The following XIRP2 variants were observed in gnomAD, a reference collection of about 807,000 sequenced individuals.
XIRP2 encodes the protein xin actin binding repeat containing 2.
In XIRP2, 236 loss-of-function variants were observed where a neutral mutation model predicts 277.0. The ratio of observed to expected loss-of-function variants is 0.85; its 90% CI spans 0.77 to 0.95. The LOEUF is 0.95. XIRP2 is among the 40% of genes least tolerant of loss of function. The pLI is 0.00. For synonymous variants in XIRP2, 1,490 were observed against 1,416.5 expected (o/e 1.05, Z -1.17); for missense variants, 4,640 against 4,157.5 (o/e 1.12, Z -3.19).
intron 2 of XIRP2, among the ~76,000 whole-genome samples, chr2:166,944,469 A>G (rs1558925639): frequency 6.6e-6 from 1 of 152,222 alleles, no homozygotes; most frequent in Non-Finnish European, 1.5e-5. Context: ...AATAGTTACT[A>G]TGTTACATTT....
chr2:167,093,039 G>A (rs2105277352), intron 2 of XIRP2, among the ~76,000 whole-genome samples: 1 of 152,158 alleles, frequency 6.6e-6, no homozygotes, highest in South Asian at 2.1e-4. Context: ...AGGTGTGAAA[G>A]CGAAATTAGT....
chr2:167,028,226 T>C (rs1688229254), intron 2 of XIRP2, among the ~76,000 whole-genome samples: 1 of 152,184 alleles, frequency 6.6e-6, no homozygotes, highest in East Asian at 1.9e-4. Flanking sequence ...CTTTTATTTC[T>C]CACAATAATC....
intron 2 of XIRP2, among the ~76,000 whole-genome samples, chr2:167,075,251 C>T (rs887253726): frequency 9.2e-5 from 14 of 151,818 alleles, no homozygotes; most frequent in African/African-American, 2.9e-4. Context: ...AAGCATGACA[C>T]GGAGAGATAG....
At chr2:167,240,777 T>G (rs370519776) in intron 7 of XIRP2, 41 bp downstream of exon 7, 468 of 1,557,280 alleles carry the variant, frequency 3.0e-4, no homozygotes, top group Non-Finnish European at 4.0e-4. Flanking sequence ...TCCTTTCTCC[T>G]ATTGATGTGT....
At position 167,054,339 on chromosome 2, in the gene XIRP2, A is replaced by G. The variant is rs1688991391; in HGVS notation, c.409-81570A>G. Among the ~76,000 whole-genome samples the G allele has an allele frequency of 2.6e-5, 4 of 152,214 alleles. No homozygotes were observed. In the South Asian group the frequency reaches 8.3e-4, roughly 31 times the overall value. ...CTTTGCTGAACACTTTATCAAAACA[A>G]CTATTAGATAATGAAACTGACCCAC... is the stretch of plus-strand genomic sequence containing the variant. On this transcript the variant is annotated intron_variant, in intron 2 of 10. Coordinates refer to ENST00000409195, the MANE Select transcript of XIRP2 (RefSeq NM_152381.6).
rs373955619 is a variant in XIRP2 at position 166,943,578 on chromosome 2, G to A, written c.408+39688G>A. ...ACTTCAATTCATGTTAGTGTACATGGAATTCCACTCCACCTCTGCAGAGGG... is the reference window on the plus strand; with the variant it reads ...ACTTCAATTCATGTTAGTGTACATGAAATTCCACTCCACCTCTGCAGAGGG... On this transcript the variant is annotated intron_variant, in intron 2 of 10. Coordinates refer to ENST00000409195, the MANE Select transcript of XIRP2 (RefSeq NM_152381.6). 3.9e-4 allele frequency among the ~76,000 whole-genome samples: 60 copies of A among 152,286 alleles called. No homozygotes were observed. In the East Asian group the frequency reaches 5.0e-3, roughly 13 times the overall value.
rs547630388 is a variant in XIRP2, at chr2:167,229,199, T to A, written c.859-10656T>A. 5.9e-5 allele frequency among the ~76,000 whole-genome samples: 9 copies of A among 152,252 alleles called. No individual in the cohort carries two copies. The East Asian group carries it at 1.5e-3, about 26-fold the overall frequency. ...TTTCTTTGATCACAGGGAGTGTACA[T>A]CTAGGGAAAGTTGAAATAGAGGAGA... On this transcript the variant is annotated intron_variant, in intron 5 of 10. Coordinates refer to ENST00000409195, the MANE Select transcript of XIRP2 (RefSeq NM_152381.6).
At chr2:166,936,850 G>A (rs1258595682) in intron 2 of XIRP2, among the ~76,000 whole-genome samples, 6 of 152,274 alleles carry the variant, frequency 3.9e-5, no homozygotes, top group African/African-American at 1.2e-4. Flanking sequence ...GTAGCATGAT[G>A]CCTCCAGCCT....
chr2:167,152,211 T>G (rs938333568), intron 3 of XIRP2, among the ~76,000 whole-genome samples: 1 of 152,072 alleles, frequency 6.6e-6, no homozygotes, highest in Non-Finnish European at 1.5e-5. Context: ...TGACCTTCTG[T>G]TCTGAAGTAG....
intron 2 of XIRP2, among the ~76,000 whole-genome samples, chr2:166,920,856 G>A (rs997779187): frequency 1.3e-5 from 2 of 152,062 alleles, no homozygotes; most frequent in African/African-American, 4.8e-5. Flanking sequence ...CCCACTGTCA[G>A]TTGGTGGTTG....
chr2:167,145,855 G>T (rs1159308904), intron 3 of XIRP2, among the ~76,000 whole-genome samples: 1 of 152,078 alleles, frequency 6.6e-6, no homozygotes, highest in Non-Finnish European at 1.5e-5. Flanking sequence ...CCACTGTGAA[G>T]GACCACAATC....
chr2:167,173,940 G>C (rs1333964567), intron 3 of XIRP2, among the ~76,000 whole-genome samples: 1 of 152,040 alleles, frequency 6.6e-6, no homozygotes, highest in African/African-American at 2.4e-5. Context: ...ATGTTGAACT[G>C]GCCTTGCATC....
chr2:167,113,467 C>G (rs187812536), intron 2 of XIRP2, among the ~76,000 whole-genome samples: 1 of 151,994 alleles, frequency 6.6e-6, no homozygotes, highest in East Asian at 1.9e-4. Flanking sequence ...GGATTGTAAC[C>G]CCTGCTTTTT....
chr2:167,035,677 G>A (rs534786353), intron 2 of XIRP2, among the ~76,000 whole-genome samples: 1 of 152,218 alleles, frequency 6.6e-6, no homozygotes. Flanking sequence ...ATTTTCTGTG[G>A]AGAAATTCAA....
At chr2:167,226,598 C>T (rs987395554) in intron 5 of XIRP2, among the ~76,000 whole-genome samples, 2 of 152,100 alleles carry the variant, frequency 1.3e-5, no homozygotes, top group Non-Finnish European at 2.9e-5. Context: ...TTTCTTCAAG[C>T]CCCAACAAAC....
At chr2:167,114,650 G>A (rs971198020) in intron 2 of XIRP2, among the ~76,000 whole-genome samples, 6 of 144,136 alleles carry the variant, frequency 4.2e-5, no homozygotes, top group Non-Finnish European at 4.5e-5. Flanking sequence ...CCGTGTCCAT[G>A]TGTTCTCATT....
chr2:166,923,983 C>T (rs2105360590), intron 2 of XIRP2, among the ~76,000 whole-genome samples: 1 of 152,024 alleles, frequency 6.6e-6, no homozygotes, highest in African/African-American at 2.4e-5. Context: ...TTATATGTGA[C>T]AAGGACATGA....
intron 2 of XIRP2, among the ~76,000 whole-genome samples, chr2:166,947,167 A>G (rs1272789652): frequency 6.6e-6 from 1 of 152,224 alleles, no homozygotes; most frequent in Non-Finnish European, 1.5e-5. Context: ...ATGTTTTCAA[A>G]AAAAAGGTGG....
intron 3 of XIRP2, among the ~76,000 whole-genome samples, chr2:167,194,402 C>T (rs2105369951): frequency 6.6e-6 from 1 of 152,212 alleles, no homozygotes; most frequent in Admixed American, 6.5e-5. Flanking sequence ...TTTGATCAAT[C>T]CTTAAAATTA....
Sources: gnomAD v4.1 joint callset for allele counts (sites outside exome capture counted in the v4.1 genomes callset) on GRCh38, gnomAD v4.1.1 for gene constraint, MANE v1.5 for transcripts, NCBI Gene and HGNC (gene_info 2026-07-23, HGNC 2026-07-21) for gene names.